Variants in SGPP2 observed in about 807,000 individuals in gnomAD.
SGPP2 encodes sphingosine-1-phosphate phosphatase 2.
Under a neutral mutation model 33.9 loss-of-function variants are expected in SGPP2, and 30 were observed. The ratio of observed to expected loss-of-function variants is 0.89; its 90% confidence interval spans 0.66 to 1.20. The LOEUF is 1.20. Ranked by LOEUF, SGPP2 falls within the 50% of genes most tolerant of loss-of-function variation. The pLI is 0.00. For synonymous variants in SGPP2, 233 were observed against 225.0 expected, an observed-to-expected ratio of 1.04 and a Z score of -0.32; for missense variants, 458 against 532.1, an observed-to-expected ratio of 0.86 and a Z score of 1.37.
chr2:222,517,724 A>C (rs961570183), intron 2 of SGPP2, among the ~76,000 whole-genome samples: 1 of 152,212 alleles, frequency 6.6e-6, no homozygotes, highest in African/African-American at 2.4e-5. Flanking sequence ...CCAGAGCCCC[A>C]AAAGCATTTG....
chr2:222,472,883 G>A (rs1387758206), intron 1 of SGPP2, among the ~76,000 whole-genome samples: 4 of 152,152 alleles, frequency 2.6e-5, no homozygotes, highest in African/African-American at 9.7e-5. Context: ...GCATGGTGGT[G>A]CACTTCTGTA....
At chr2:222,502,022 G>A (rs1054251878) in intron 2 of SGPP2, among the ~76,000 whole-genome samples, 2 of 152,158 alleles carry the variant, frequency 1.3e-5, no homozygotes, top group Non-Finnish European at 2.9e-5. Context: ...GAAAAGTCTG[G>A]ACAGATATTC....
intron 1 of SGPP2, among the ~76,000 whole-genome samples, chr2:222,459,142 C>CTTTCTTTTT (rs1414316448): frequency 4.6e-4 from 43 of 94,472 alleles, no homozygotes; most frequent in Non-Finnish European, 6.9e-4. Context: ...TTCTTTCTTT[C>CTTTCTTTTT]TTTTTTTTTT....
At chr2:222,553,065 C>T (rs1388364085) in intron 4 of SGPP2, among the ~76,000 whole-genome samples, 2 of 152,100 alleles carry the variant, frequency 1.3e-5, no homozygotes, top group African/African-American at 4.8e-5. Context: ...CTGATCAGAC[C>T]CTATAATCAA....
intron 4 of SGPP2, among the ~76,000 whole-genome samples, chr2:222,539,764 C>G (rs966028736): frequency 6.6e-6 from 1 of 152,170 alleles, no homozygotes; most frequent in Non-Finnish European, 1.5e-5. Flanking sequence ...ACCTAATTTC[C>G]AAGGGAGCCA....
At chr2:222,509,031 A>G (rs1698486424) in intron 2 of SGPP2, among the ~76,000 whole-genome samples, 1 of 152,198 alleles carries the variant, frequency 6.6e-6, no homozygotes, top group South Asian at 2.1e-4. Context: ...GGTAAACAGT[A>G]GCCTTTAGAG....
intron 2 of SGPP2, among the ~76,000 whole-genome samples, chr2:222,512,642 TCTC>T (rs1698546579): frequency 6.6e-6 from 1 of 152,158 alleles, no homozygotes; most frequent in African/African-American, 2.4e-5. Flanking sequence ...CACCCCTCCC[TCTC>T]CTCAGTCCCT....
At chr2:222,428,986 T>C (rs1396682711) in intron 1 of SGPP2, among the ~76,000 whole-genome samples, 1 of 151,776 alleles carries the variant, frequency 6.6e-6, no homozygotes, top group African/African-American at 2.4e-5. Flanking sequence ...GAGATCGGGT[T>C]TTGCCATGTT....
chr2:222,515,364 T>C (rs1698589081), intron 2 of SGPP2, among the ~76,000 whole-genome samples: 1 of 152,176 alleles, frequency 6.6e-6, no homozygotes, highest in Non-Finnish European at 1.5e-5. Flanking sequence ...AGTCTCGCTC[T>C]GTCACCCAGG....
chr2:222,522,766 C>G (rs143517197), intron 3 of SGPP2, among the ~76,000 whole-genome samples: 113 of 152,278 alleles, frequency 7.4e-4, no homozygotes, highest in African/African-American at 2.5e-3. Context: ...GTAGTCTTGA[C>G]CTTCTGGGCT....
At chr2:222,493,713 G>A (rs1698233543) in intron 2 of SGPP2, among the ~76,000 whole-genome samples, 1 of 152,188 alleles carries the variant, frequency 6.6e-6, no homozygotes, top group Admixed American at 6.5e-5. Context: ...GAAACTGAAG[G>A]TGAGACATTA....
intron 4 of SGPP2, among the ~76,000 whole-genome samples, chr2:222,537,113 C>A (rs1698927763): frequency 6.6e-6 from 1 of 152,160 alleles, no homozygotes; most frequent in South Asian, 2.1e-4. Context: ...AAACTGTGTG[C>A]CTCAGCCAGG....
At chr2:222,458,035 C>T (rs2106081641) in intron 1 of SGPP2, among the ~76,000 whole-genome samples, 2 of 152,062 alleles carry the variant, frequency 1.3e-5, no homozygotes, top group Admixed American at 1.3e-4. Context: ...TTAAGTGTCT[C>T]TTTGTGTTTT....
At chr2:222,457,327 A>T (rs1697588009) in intron 1 of SGPP2, among the ~76,000 whole-genome samples, 1 of 152,128 alleles carries the variant, frequency 6.6e-6, no homozygotes, top group African/African-American at 2.4e-5. Flanking sequence ...GTACGATGTT[A>T]TGAAAAGATG....
intron 2 of SGPP2, among the ~76,000 whole-genome samples, chr2:222,517,708 G>T (rs544307239): frequency 6.6e-6 from 1 of 152,312 alleles, no homozygotes; most frequent in South Asian, 2.1e-4. Flanking sequence ...GACTCCTAAC[G>T]TGGGGCCAGA....
At chr2:222,551,760 T>G (rs1304670107) in intron 4 of SGPP2, among the ~76,000 whole-genome samples, 1 of 152,204 alleles carries the variant, frequency 6.6e-6, no homozygotes, top group Non-Finnish European at 1.5e-5. Context: ...TTATAAAAAA[T>G]ATTTCAACCA....
chr2:222,427,657 C>A lies in SGPP2; in HGVS notation c.219+2836C>A, dbSNP rs536654495. Reference sequence around the variant, plus strand: ...TTCCGCATAGCCTAGAAGGTAGCACCAGGACGTTGATTTAGGACCCTTCAA... The same window carrying A: ...TTCCGCATAGCCTAGAAGGTAGCACAAGGACGTTGATTTAGGACCCTTCAA... On this transcript the variant is annotated intron_variant, in intron 1 of 4. Coordinates refer to ENST00000321276, the MANE Select transcript of SGPP2 (RefSeq NM_152386.4). Among the ~76,000 whole-genome samples the A allele has an allele frequency of 5.9e-5, 9 of 152,244 alleles. No individual in the cohort carries two copies. The South Asian group carries it at 1.2e-3, about 21-fold the overall frequency.
intron 4 of SGPP2, among the ~76,000 whole-genome samples, chr2:222,548,352 G>C (rs755236983): frequency 3.9e-5 from 6 of 152,212 alleles, no homozygotes; most frequent in Non-Finnish European, 8.8e-5. Context: ...GTTTAAATAT[G>C]CTCACTTTCC....
chr2:222,557,969 T>C (rs1689443898), intron 4 of SGPP2, among the ~76,000 whole-genome samples: 2 of 152,070 alleles, frequency 1.3e-5, no homozygotes, highest in Non-Finnish European at 2.9e-5. Context: ...AACCCCCAGG[T>C]GGATGAAAGG....
Sources: gnomAD v4.1 joint callset for allele counts (sites outside exome capture counted in the v4.1 genomes callset) on GRCh38, gnomAD v4.1.1 for gene constraint, MANE v1.5 for transcripts, NCBI Gene and HGNC (gene_info 2026-07-23, HGNC 2026-07-21) for gene names.